The following ANKAR variants were observed in gnomAD, a reference collection of about 807,000 sequenced individuals.
ANKAR encodes the protein ankyrin and armadillo repeat-containing protein.
In ANKAR, 136 loss-of-function variants were observed where a neutral mutation model predicts 146.2. That is an observed-to-expected ratio of 0.93 (90% CI 0.81 to 1.07). ANKAR has a LOEUF of 1.07. Among genes scored for constraint, ANKAR ranks in the 50% least tolerant of loss-of-function variants. The pLI is 0.00. For synonymous variants in ANKAR, 500 were observed against 575.8 expected (o/e 0.87, Z 1.88); for missense variants, 1,567 against 1,679.9 (o/e 0.93, Z 1.18).
intron 9 of ANKAR, among the ~76,000 whole-genome samples, chr2:189,708,297 A>T (rs2039237509): frequency 2.6e-5 from 4 of 152,242 alleles, no homozygotes; most frequent in Non-Finnish European, 5.9e-5. Context: ...GAGCACATTC[A>T]CATAACTTCT....
At chr2:189,757,676 A>G (rs987238919) in intron 18 of ANKAR, among the ~76,000 whole-genome samples, 1 of 152,238 alleles carries the variant, frequency 6.6e-6, no homozygotes, top group Non-Finnish European at 1.5e-5. Flanking sequence ...CCAGAATATA[A>G]GCCTACACTC....
In ANKAR at chr2:189,755,473, T is replaced by C. The variant is rs781517462; in HGVS notation, c.*585-5625T>C. ...TTGCTGAGAGGTCACTTGGAGAGAC[T>C]CCACTGGCAGAAAGAGCTTCTTGTA... is the stretch of plus-strand genomic sequence containing the variant. On this transcript the variant is annotated intron_variant and NMD_transcript_variant, in intron 18 of 18. Transcript: ENST00000441800. 5 of 1,601,774 alleles carry C rather than the reference T, an allele frequency of 3.1e-6. No individual in the cohort carries two copies. In the South Asian group the frequency reaches 5.7e-5, roughly 18 times the overall value.
rs2045770425 is a variant in ANKAR, at chr2:189,754,499, T to G, written c.*585-6599T>G. ...GGCAAATATAGACTATAGCTGATAT[T>G]CAGGTAAGCAGACAACCCTGTTCCT... On this transcript the variant is annotated intron_variant and NMD_transcript_variant, in intron 18 of 18. Transcript: ENST00000441800. The G allele has an allele frequency of 5.9e-6, 4 of 682,112 alleles. No individual in the cohort carries two copies. The East Asian group carries it at 1.1e-4, about 19-fold the overall frequency. The allele number at this position is 682,112 out of a possible 1,614,324, so 42.3% of individuals were successfully genotyped here.
chr2:189,714,017 G>A (rs1346235133), intron 10 of ANKAR, among the ~76,000 whole-genome samples: 10 of 151,976 alleles, frequency 6.6e-5, no homozygotes, highest in Non-Finnish European at 1.2e-4. Context: ...AGGAGACAAG[G>A]GCATTATATA....
intron 2 of ANKAR, among the ~76,000 whole-genome samples, chr2:189,677,347 A>T (rs1031090849): frequency 6.6e-6 from 1 of 152,082 alleles, no homozygotes; most frequent in African/African-American, 2.4e-5. Flanking sequence ...TACATGGCTA[A>T]GTTCTTTAGT....
At chr2:189,725,207 A>G (rs2041733572) in intron 12 of ANKAR, among the ~76,000 whole-genome samples, 2 of 152,000 alleles carry the variant, frequency 1.3e-5, no homozygotes, top group Non-Finnish European at 2.9e-5. Flanking sequence ...CTGGAAATGT[A>G]TGTGTGTATG....
intron 17 of ANKAR, among the ~76,000 whole-genome samples, chr2:189,735,023 A>T (rs1037800529): frequency 5.3e-5 from 8 of 150,258 alleles, no homozygotes; most frequent in East Asian, 1.9e-4. Flanking sequence ...TATATATATA[A>T]AATATATATA....
chr2:189,731,759 A>G (rs1357414227), intron 16 of ANKAR, among the ~76,000 whole-genome samples: 4 of 152,042 alleles, frequency 2.6e-5, no homozygotes, highest in Non-Finnish European at 5.9e-5. Flanking sequence ...AGAGTGCAGT[A>G]GTGCAATCTT....
At chr2:189,750,314 C>T (rs74940016), downstream of ANKAR, among the ~76,000 whole-genome samples, 2,472 of 152,148 alleles carry the variant, frequency 0.016, 66 homozygotes, top group African/African-American at 0.056. Flanking sequence ...TTCCTTTCTA[C>T]CTGCCAGCAT....
chr2:189,730,406 C>T, intron 15 of ANKAR, 89 bp from the exon 16 acceptor site: 1 of 692,966 alleles, frequency 1.4e-6, no homozygotes, highest in Non-Finnish European at 2.3e-6. Flanking sequence ...CCTTAGAATG[C>T]TTTGTCAACC....
intron 18 of ANKAR, among the ~76,000 whole-genome samples, chr2:189,759,755 AT>A (rs2046696882): frequency 6.6e-6 from 1 of 151,662 alleles, no homozygotes; most frequent in Admixed American, 6.6e-5. Flanking sequence ...TTATTTATTT[AT>A]TTATTTATTT....
chr2:189,711,237 TA>T, intron 10 of ANKAR, 84 bp downstream of exon 10: 1 of 1,077,484 alleles, frequency 9.3e-7, no homozygotes, highest in South Asian at 2.0e-5. Context: ...AATATATTTT[TA>T]ATTGTAAAGG....
chr2:189,762,695 G>A, downstream of ANKAR: 2 of 985,296 alleles, frequency 2.0e-6, no homozygotes, highest in Non-Finnish European at 2.4e-6. Flanking sequence ...CTTCCACTTG[G>A]GCGGCAGTAG....
intron 2 of ANKAR, 25 bp downstream of exon 2, chr2:189,677,116 ATTTTT>A: frequency 5.5e-6 from 7 of 1,281,154 alleles, no homozygotes; most frequent in Admixed American, 3.2e-5. Context: ...CACTTCTTAA[ATTTTT>A]TTTTTTTTTT....
At position 189,677,062 on chromosome 2, in the gene ANKAR, A is replaced by C. The variant is rs141582205; in HGVS notation, c.572A>C (p.Lys191Thr). The change falls in exon 2 of 23, where the codon AAA becomes ACA. Residue 191 changes from lysine (K) to threonine (T), a missense_variant. Coordinates refer to ENST00000684021, the MANE Select transcript of ANKAR (RefSeq NM_001378068.1). ...IDPDGKPQTN[K>T]DIFSEFSSAG... is the part of the protein sequence containing the mutation. ...CCTGATGGAAAACCTCAAACAAATA[A>C]AGACATTTTTTCAGAGTTTAGTTCA... The C allele has an allele frequency of 1.7e-3, 2,733 of 1,573,314 alleles. 2 individuals are homozygous for C. The highest frequency in any genetic ancestry group is 2.1e-3 in the Non-Finnish European group (2,433 of 1,166,086).
intron 10 of ANKAR, among the ~76,000 whole-genome samples, chr2:189,718,906 CG>C (rs1559112917): frequency 6.6e-6 from 1 of 151,446 alleles, no homozygotes. Flanking sequence ...CCCGCCACCG[CG>C]CCCGGCTAAT....
downstream of ANKAR, chr2:189,762,404 A>G: frequency 5.3e-6 from 1 of 187,800 alleles, no homozygotes; most frequent in Non-Finnish European, 1.0e-5. Context: ...ACGGCATCCC[A>G]GGGATTAGAG....
chr2:189,728,862 A>G, intron 15 of ANKAR, 41 bp downstream of exon 15: 3 of 1,571,616 alleles, frequency 1.9e-6, no homozygotes, highest in Non-Finnish European at 2.6e-6. Flanking sequence ...ATCTGTAAGA[A>G]CAAGAACAGA....
intron 10 of ANKAR, among the ~76,000 whole-genome samples, chr2:189,716,290 C>A (rs1467311943): frequency 5.9e-5 from 9 of 152,084 alleles, no homozygotes; most frequent in Admixed American, 3.3e-4. Context: ...TCTTATACAC[C>A]AATAATAGAC....
Sources: allele counts gnomAD v4.1 joint callset (sites outside exome capture counted in the v4.1 genomes callset), GRCh38; gene constraint gnomAD v4.1.1; transcripts MANE v1.5; gene names NCBI Gene and HGNC (gene_info 2026-07-23, HGNC 2026-07-21).